STYXL1: variants seen among roughly 807,000 people sequenced by gnomAD.
The protein encoded by STYXL1 is serine/threonine/tyrosine-interacting-like protein 1.
Under a neutral mutation model 36.4 loss-of-function variants are expected in STYXL1, and 32 were observed. The ratio of observed to expected loss-of-function variants is 0.88; its 90% CI spans 0.66 to 1.18. STYXL1 has a LOEUF of 1.18. Ranked by LOEUF, STYXL1 falls within the 50% of genes most tolerant of loss-of-function variation. The pLI, the probability that STYXL1 is intolerant of heterozygous loss-of-function variation, is 0.00. For missense variants in STYXL1, 354 were observed against 394.1 expected (o/e 0.90, Z 0.86); for synonymous variants, 133 against 144.1 (o/e 0.92, Z 0.55).
At chr7:76,025,315 A>T (rs1187928252) in intron 3 of STYXL1, among the ~76,000 whole-genome samples, 4 of 151,462 alleles carry the variant, frequency 2.6e-5, no homozygotes, top group Non-Finnish European at 5.9e-5. Context: ...AATAAAAATA[A>T]AAATTAAAAA....
At chr7:76,033,252 C>A (rs879960152) in intron 1 of STYXL1, among the ~76,000 whole-genome samples, 1 of 151,854 alleles carries the variant, frequency 6.6e-6, no homozygotes, top group African/African-American at 2.4e-5. Context: ...CTCAAGCAAT[C>A]CTCTGGCCTC....
At chr7:76,036,612 AATTT>A (rs1554580739) in intron 1 of STYXL1, among the ~76,000 whole-genome samples, 2 of 146,920 alleles carry the variant, frequency 1.4e-5, no homozygotes, top group East Asian at 3.9e-4. Context: ...ATTTTGATTA[AATTT>A]ATTTATCCCA....
Position 76,017,866 on chromosome 7 carries a change from CA to C in STYXL1, c.308-3980del, listed in dbSNP as rs71082374. On this transcript the variant is annotated intron_variant, in intron 4 of 8. Transcript: ENST00000359697. ...GGGCAACAAGAGCAAAACTCCATCT[CA>C]AAAAAAAAAAAAAAGGCAAGACAGA... Among the ~76,000 whole-genome samples the C allele has an allele frequency of 2.4e-3, 25 of 10,368 alleles. 3 individuals are homozygous for C. The highest frequency in any genetic ancestry group is 5.1e-3 in the East Asian group (1 of 196). The allele number at this position is 10,368 out of a possible 152,430, so 6.8% of individuals were successfully genotyped here.
At chr7:76,033,570 CAG>C (rs1255331579) in intron 1 of STYXL1, among the ~76,000 whole-genome samples, 103 of 152,294 alleles carry the variant, frequency 6.8e-4, no homozygotes, top group African/African-American at 2.3e-3. Context: ...GGCTCCACTT[CAG>C]AGTTACCAGA....
intron 8 of STYXL1, among the ~76,000 whole-genome samples, chr7:75,999,948 G>A (rs1554566204): frequency 6.6e-6 from 1 of 151,960 alleles, no homozygotes; most frequent in Non-Finnish European, 1.5e-5. Context: ...AACAGGCCCT[G>A]GAGGAAGAAT....
At chr7:76,005,470 T>C in intron 5 of STYXL1, 66 bp from the exon 6 acceptor site, 1 of 1,467,832 alleles carries the variant, frequency 6.8e-7, no homozygotes, top group Non-Finnish European at 9.3e-7. Flanking sequence ...GTCTATCTCT[T>C]GAAACACAGC....
At chr7:76,025,504 T>C (rs1371163296) in intron 3 of STYXL1, among the ~76,000 whole-genome samples, 1 of 151,902 alleles carries the variant, frequency 6.6e-6, no homozygotes, top group Non-Finnish European at 1.5e-5. Flanking sequence ...AGAGTAAGAT[T>C]ATGGGCCTGG....
In STYXL1 at chr7:76,007,870, G is replaced by A. The variant is rs369145534; in HGVS notation, c.454-2466C>T. Among the ~76,000 whole-genome samples the A allele has an allele frequency of 2.4e-3, 333 of 141,420 alleles. 3 individuals carry two copies. Among genetic ancestry groups the A allele is most frequent in the African/African-American group, 8.5e-3 (317 of 37,104 alleles). The allele number at this position is 141,420 out of a possible 152,430, so 92.8% of individuals were successfully genotyped here. A position where few individuals can be genotyped will look rare whatever the true frequency, so the allele number is the denominator to read the frequency against. On this transcript the variant is annotated intron_variant, in intron 5 of 8. Transcript: ENST00000359697. The stretch of plus-strand genomic sequence containing the variant: ...TTTGAGGTTACAGAGAGTTATGACC[G>A]CATCACTGCACTCCAGCCTGTCTCT...
At chr7:75,998,399 G>A (rs1790399456) in intron 8 of STYXL1, 1 of 151,830 alleles carries the variant, frequency 6.6e-6, no homozygotes, top group Admixed American at 6.6e-5. Context: ...CTGGGTTCAA[G>A]TGATCCTTGT....
intron 8 of STYXL1, among the ~76,000 whole-genome samples, chr7:75,998,089 C>T (rs1241918214): frequency 6.6e-6 from 1 of 152,080 alleles, no homozygotes; most frequent in African/African-American, 2.4e-5. Flanking sequence ...ATAGAAAAAT[C>T]CATCCTAAAA....
intron 3 of STYXL1, among the ~76,000 whole-genome samples, chr7:76,026,190 TC>T (rs1794690027): frequency 9.3e-5 from 1 of 10,702 alleles, no homozygotes; most frequent in Non-Finnish European, 2.1e-4. Context: ...AGACTCTGTC[TC>T]CAAAAAAAAA....
chr7:76,023,738 G>C (rs893054826), intron 3 of STYXL1, among the ~76,000 whole-genome samples: 1 of 151,886 alleles, frequency 6.6e-6, no homozygotes, highest in East Asian at 2.0e-4. Context: ...CAACAAGGCC[G>C]GGCGCGGAGG....
chr7:75,996,813 A>G (rs1430237320), intron 8 of STYXL1, among the ~76,000 whole-genome samples: 1 of 152,228 alleles, frequency 6.6e-6, no homozygotes, highest in African/African-American at 2.4e-5. Flanking sequence ...CTGCTTCTAA[A>G]TCTGGTGACA....
Position 76,025,108 on chromosome 7 carries a change from CAG to C in STYXL1, c.166-3118_166-3117del, listed in dbSNP as rs559261185. 6.7e-5 allele frequency among the ~76,000 whole-genome samples: 9 copies of C among 134,468 alleles called. No individual in the cohort carries two copies. In the Admixed American group the frequency reaches 8.1e-4, roughly 12 times the overall value. The allele number at this position is 134,468 out of a possible 152,430, so 88.2% of individuals were successfully genotyped here. On this transcript the variant is annotated intron_variant, in intron 3 of 8. Transcript: ENST00000359697. ...AGTGTACTGGGAATGAGGCTGGAGA[CAG>C]AGGTGGTCAGATCTAAGAAGGCTGA...
intron 3 of STYXL1, among the ~76,000 whole-genome samples, chr7:76,024,626 CAACAAAACAAAAAA>C (rs138213685): frequency 0.54 from 81,101 of 150,296 alleles, 24,587 homozygotes; most frequent in Non-Finnish European, 0.7. Flanking sequence ...CAAAACAAAA[CAACAAAACAAAAAA>C]AACAAAACAA....
At chr7:76,016,816 A>G (rs1368017001) in intron 4 of STYXL1, among the ~76,000 whole-genome samples, 8 of 152,164 alleles carry the variant, frequency 5.3e-5, no homozygotes, top group Non-Finnish European at 1.0e-4. Flanking sequence ...CCCCTGTGGA[A>G]AGGAGTTTGA....
In STYXL1 at chr7:76,021,968, C is replaced by G. The variant is rs781906413; in HGVS notation, c.190G>C (p.Glu64Gln). 4.3e-6 allele frequency: 7 copies of G among 1,609,932 alleles called. No individual in the cohort carries two copies. Among genetic ancestry groups the G allele is most frequent in the Non-Finnish European group, 5.9e-6 (7 of 1,179,332 alleles). ...TTCACACACTCCAGGTCCACAGACT[C>G]CGGGAGAAGATATTCATTATTTTTC... ...KKKNNEYLLPESVDLECVKYC... is the reference protein window; with the variant it reads ...KKKNNEYLLPQSVDLECVKYC... Residue 64 changes from glutamate (E) to glutamine (Q), a missense_variant, in exon 4 of 9, where the codon GAG (glutamate) becomes CAG (glutamine). Coordinates refer to ENST00000359697, the MANE Select transcript of STYXL1 (RefSeq NM_001317785.2).
chr7:76,032,826 A>G (rs1388751180), intron 1 of STYXL1, among the ~76,000 whole-genome samples: 1 of 152,236 alleles, frequency 6.6e-6, no homozygotes, highest in Non-Finnish European at 1.5e-5. Flanking sequence ...AAACTGAGAC[A>G]GAAGGTTGGG....
At chr7:76,042,899 G>A (rs1554582517) in intron 1 of STYXL1, among the ~76,000 whole-genome samples, 1 of 152,148 alleles carries the variant, frequency 6.6e-6, no homozygotes, top group Non-Finnish European at 1.5e-5. Context: ...GGGTAGCTTG[G>A]CCTGTGCCCT....
Sources: gnomAD v4.1 joint callset for allele counts (sites outside exome capture counted in the v4.1 genomes callset) on GRCh38, gnomAD v4.1.1 for gene constraint, MANE v1.5 for transcripts, NCBI Gene and HGNC (gene_info 2026-07-23, HGNC 2026-07-21) for gene names.